PRUNE2: variants seen among roughly 807,000 people sequenced by gnomAD.
The protein encoded by PRUNE2 is protein prune homolog 2.
A neutral mutation model predicts 252.0 loss-of-function variants in PRUNE2; 164 were observed. The observed-to-expected ratio is 0.65, with a 90% CI of 0.57 to 0.74. The LOEUF (loss-of-function observed/expected upper bound fraction) is 0.74, where lower values mean the gene tolerates loss of function less well. PRUNE2 is among the 30% of genes least tolerant of loss of function. PRUNE2 has a pLI of 0.00. For missense variants in PRUNE2, 3,495 were observed against 3,711.0 expected (o/e 0.94, Z 1.51); for synonymous variants, 1,292 against 1,350.2 (o/e 0.96, Z 0.94).
At chr9:76,879,317 A>G (rs12348969) in intron 1 of PRUNE2, among the ~76,000 whole-genome samples, 22,319 of 152,200 alleles carry the variant, frequency 0.15, 5,146 homozygotes, top group African/African-American at 0.49. Flanking sequence ...TGTTGGGGCC[A>G]TCTGCACACC....
intron 6 of PRUNE2, among the ~76,000 whole-genome samples, chr9:76,823,090 AAC>A (rs201412761): frequency 6.6e-6 from 1 of 152,224 alleles, no homozygotes; most frequent in African/African-American, 2.4e-5. Context: ...TCACCAAGGA[AAC>A]ACACAAAGAC....
intron 2 of PRUNE2, 71 bp downstream of exon 2, chr9:76,854,033 G>C (rs977418726): frequency 4.0e-6 from 3 of 741,700 alleles, no homozygotes; most frequent in Admixed American, 2.6e-5. Context: ...CCTTTGTTTA[G>C]AGAAAATGTT....
At chr9:76,631,979 G>A (rs529185773) in intron 15 of PRUNE2, among the ~76,000 whole-genome samples, 1 of 152,296 alleles carries the variant, frequency 6.6e-6, no homozygotes, top group South Asian at 2.1e-4. Flanking sequence ...AAGTGATTTA[G>A]TTCTTTTTTA....
chr9:76,882,020 G>T (rs573487048), intron 1 of PRUNE2, among the ~76,000 whole-genome samples: 1 of 152,040 alleles, frequency 6.6e-6, no homozygotes, highest in Non-Finnish European at 1.5e-5. Flanking sequence ...CAGCAACATT[G>T]TACCATGTAT....
chr9:76,711,187 T>C lies in PRUNE2; in HGVS notation c.1087A>G (p.Asn363Asp). ...GCTTCTGTTGAGGATGTCCGGCTAT[T>C]GGAGACCATCTCTGGACACCTCCTG... is the stretch of plus-strand genomic sequence containing the variant. ...INRRCPEMVS[N>D]SRTSSTEAVA... Residue 363 changes from asparagine (N) to aspartate (D), a missense_variant, in exon 8 of 19, where the codon AAT (asparagine) becomes GAT (aspartate). Physicochemically the swap from Asn to Asp is conservative, Grantham distance 23. Coordinates refer to ENST00000376718, the MANE Select transcript of PRUNE2 (RefSeq NM_015225.3). 6.2e-7 allele frequency: 1 copy of C among 1,613,988 alleles called. No homozygotes were observed. The highest frequency in any genetic ancestry group is 8.5e-7 in the Non-Finnish European group (1 of 1,179,880).
At chr9:76,826,347 T>C (rs951790466) in intron 5 of PRUNE2, among the ~76,000 whole-genome samples, 1 of 152,110 alleles carries the variant, frequency 6.6e-6, no homozygotes, top group Non-Finnish European at 1.5e-5. Context: ...TCATGGTGCA[T>C]GCCTGTAATC....
intron 9 of PRUNE2, among the ~76,000 whole-genome samples, chr9:76,701,256 C>G (rs2045867283): frequency 6.6e-6 from 1 of 152,154 alleles, no homozygotes; most frequent in African/African-American, 2.4e-5. Flanking sequence ...TCTTTATTCT[C>G]CCAAAATCTA....
At chr9:76,828,384 C>T (rs938610274) in intron 4 of PRUNE2, among the ~76,000 whole-genome samples, 3 of 152,198 alleles carry the variant, frequency 2.0e-5, no homozygotes, top group African/African-American at 7.2e-5. Context: ...AGATAGATAG[C>T]GGGACCATGA....
At chr9:76,893,351 A>G (rs958574190) in intron 1 of PRUNE2, among the ~76,000 whole-genome samples, 1 of 152,244 alleles carries the variant, frequency 6.6e-6, no homozygotes, top group African/African-American at 2.4e-5. Context: ...ACAGTTACAC[A>G]ACGAGAAATC....
At chr9:76,728,171 T>C (rs993649481) in intron 6 of PRUNE2, among the ~76,000 whole-genome samples, 1 of 152,200 alleles carries the variant, frequency 6.6e-6, no homozygotes, top group Non-Finnish European at 1.5e-5. Flanking sequence ...GTTCAATGAA[T>C]GGCTAGCATT....
At chr9:76,894,887 G>A (rs542579663) in intron 1 of PRUNE2, among the ~76,000 whole-genome samples, 25 of 152,192 alleles carry the variant, frequency 1.6e-4, no homozygotes, top group African/African-American at 5.8e-4. Context: ...TTAGCTGGGC[G>A]TGATGGCGCT....
intron 6 of PRUNE2, among the ~76,000 whole-genome samples, chr9:76,746,107 T>C (rs1483670610): frequency 5.3e-5 from 8 of 152,108 alleles, no homozygotes; most frequent in African/African-American, 1.9e-4. Flanking sequence ...GGATGTGATA[T>C]TGTGAAGTAT....
intron 4 of PRUNE2, among the ~76,000 whole-genome samples, chr9:76,843,772 A>C (rs1479289224): frequency 7.2e-6 from 1 of 138,836 alleles, no homozygotes; most frequent in African/African-American, 2.7e-5. Context: ...CTTGTGCCTC[A>C]GGCTGGAGTG....
At chr9:76,751,833 C>G (rs1188994630) in intron 6 of PRUNE2, among the ~76,000 whole-genome samples, 1 of 152,132 alleles carries the variant, frequency 6.6e-6, no homozygotes, top group Non-Finnish European at 1.5e-5. Context: ...AGTCAGAAAA[C>G]TAGTGGTGGT....
chr9:76,806,762 C>T (rs191269654), intron 6 of PRUNE2, among the ~76,000 whole-genome samples: 1 of 151,572 alleles, frequency 6.6e-6, no homozygotes, highest in East Asian at 2.0e-4. Flanking sequence ...TCGTGATCTG[C>T]CTGCCTTAGC....
intron 5 of PRUNE2, 152 bp from the exon 6 acceptor site, chr9:76,823,878 T>A (rs1437185333): frequency 6.9e-6 from 4 of 576,478 alleles, no homozygotes; most frequent in Non-Finnish European, 1.2e-5. Context: ...ACACACACAC[T>A]AAGGCAATAA....
At chr9:76,679,903 A>G (rs1031263460) in intron 9 of PRUNE2, among the ~76,000 whole-genome samples, 1 of 152,212 alleles carries the variant, frequency 6.6e-6, no homozygotes, top group African/African-American at 2.4e-5. Context: ...CCAAAATAGA[A>G]ACTTCTAGCA....
At chr9:76,654,279 A>C (rs1157558472) in intron 10 of PRUNE2, among the ~76,000 whole-genome samples, 1 of 152,198 alleles carries the variant, frequency 6.6e-6, no homozygotes, top group East Asian at 1.9e-4. Context: ...TCAACTCTGG[A>C]ATTCTGGCTC....
intron 3 of PRUNE2, 115 bp downstream of exon 3, chr9:76,850,348 G>GT: frequency 1.3e-6 from 1 of 798,600 alleles, no homozygotes; most frequent in South Asian, 1.6e-5. Flanking sequence ...TGACCAGCAT[G>GT]TCCTCTGCTT....
Sources: allele counts gnomAD v4.1 joint callset (sites outside exome capture counted in the v4.1 genomes callset), GRCh38; gene constraint gnomAD v4.1.1; transcripts MANE v1.5; gene names NCBI Gene and HGNC (gene_info 2026-07-23, HGNC 2026-07-21).